The following HS3ST4 variants were observed in gnomAD, a reference collection of about 807,000 sequenced individuals.
HS3ST4 encodes heparan sulfate-glucosamine 3-sulfotransferase 4, also known as heparan sulfate glucosamine 3-O-sulfotransferase 4.
A neutral mutation model predicts 29.2 loss-of-function variants in HS3ST4; 17 were observed. That is an observed-to-expected ratio of 0.58 (90% CI 0.40 to 0.87). The LOEUF is 0.87. HS3ST4 is among the 40% of genes least tolerant of loss of function. HS3ST4 has a pLI of 0.00. For synonymous variants in HS3ST4, 314 were observed against 285.7 expected, an observed-to-expected ratio of 1.10 and a Z score of -1.00; for missense variants, 627 against 634.5, an observed-to-expected ratio of 0.99 and a Z score of 0.13.
chr16:26,054,395 G>A (rs1162022758), intron 1 of HS3ST4, among the ~76,000 whole-genome samples: 1 of 151,962 alleles, frequency 6.6e-6, no homozygotes, highest in Admixed American at 6.6e-5. Flanking sequence ...TCCTCCATTC[G>A]AATTAACTTC....
chr16:25,949,478 C>G (rs1415345151), intron 1 of HS3ST4, among the ~76,000 whole-genome samples: 1 of 152,102 alleles, frequency 6.6e-6, no homozygotes, highest in Non-Finnish European at 1.5e-5. Flanking sequence ...TGGGACCTTT[C>G]TTTTATGGCA....
At chr16:25,812,376 C>T (rs58915036) in intron 1 of HS3ST4, among the ~76,000 whole-genome samples, 2,365 of 152,298 alleles carry the variant, frequency 0.016, 69 homozygotes, top group African/African-American at 0.054. Flanking sequence ...AAACACTGTA[C>T]GTGTCCTTCC....
At chr16:25,739,356 C>T (rs1483373423) in intron 1 of HS3ST4, among the ~76,000 whole-genome samples, 1 of 152,000 alleles carries the variant, frequency 6.6e-6, no homozygotes, top group Non-Finnish European at 1.5e-5. Context: ...AACACACAAA[C>T]AAAAGCAAAC....
intron 1 of HS3ST4, among the ~76,000 whole-genome samples, chr16:26,038,236 C>A (rs532934771): frequency 6.6e-6 from 1 of 152,218 alleles, no homozygotes; most frequent in Non-Finnish European, 1.5e-5. Flanking sequence ...GTTCTCAGGT[C>A]CTTCAACTCT....
chr16:25,755,900 G>A (rs1483145672), intron 1 of HS3ST4, among the ~76,000 whole-genome samples: 1 of 151,940 alleles, frequency 6.6e-6, no homozygotes, highest in Non-Finnish European at 1.5e-5. Flanking sequence ...TTGTCTTATA[G>A]TAAAGAGGAA....
intron 1 of HS3ST4, among the ~76,000 whole-genome samples, chr16:26,111,021 A>G (rs1382878319): frequency 6.6e-6 from 1 of 151,534 alleles, no homozygotes; most frequent in Non-Finnish European, 1.5e-5. Flanking sequence ...CGTTTGGGGT[A>G]CAATTTATTT....
chr16:25,884,916 T>G (rs1967934406), intron 1 of HS3ST4, among the ~76,000 whole-genome samples: 1 of 152,162 alleles, frequency 6.6e-6, no homozygotes, highest in South Asian at 2.1e-4. Flanking sequence ...TGTTTACCCC[T>G]TAGTGTCCAG....
At chr16:25,784,645 G>A (rs1000205489) in intron 1 of HS3ST4, among the ~76,000 whole-genome samples, 2 of 152,180 alleles carry the variant, frequency 1.3e-5, no homozygotes, top group Non-Finnish European at 2.9e-5. Context: ...GCTAAACGAG[G>A]TGAGAAAGCT....
chr16:25,937,444 G>T (rs182471813), intron 1 of HS3ST4, among the ~76,000 whole-genome samples: 1 of 152,124 alleles, frequency 6.6e-6, no homozygotes, highest in South Asian at 2.1e-4. Context: ...GGACTCCTAC[G>T]TGATCTTATT....
intron 1 of HS3ST4, among the ~76,000 whole-genome samples, chr16:25,812,822 C>T (rs1365853008): frequency 3.3e-5 from 5 of 152,086 alleles, no homozygotes; most frequent in Non-Finnish European, 7.4e-5. Context: ...CCACCTCTGT[C>T]TCTCGAGTAG....
intron 1 of HS3ST4, among the ~76,000 whole-genome samples, chr16:25,862,142 A>G (rs552943120): frequency 3.2e-4 from 48 of 151,536 alleles, no homozygotes; most frequent in African/African-American, 1.1e-3. Flanking sequence ...TGATTCTCCT[A>G]TGAGAATTTT....
chr16:25,730,446 C>G (rs967123381), intron 1 of HS3ST4, among the ~76,000 whole-genome samples: 1 of 144,254 alleles, frequency 6.9e-6, no homozygotes. Flanking sequence ...TCCTCCCTCT[C>G]TCCCTTCTTC....
Position 26,134,347 on chromosome 16 carries a change from CTTTTCTTTTCTTTTCTT to C in HS3ST4, c.735-1260_735-1244del, listed in dbSNP as rs1485882105. Among the ~76,000 whole-genome samples the C allele has an allele frequency of 3.9e-4, 43 of 111,378 alleles. No individual in the cohort carries two copies. The East Asian group carries it at 6.5e-3, about 17-fold the overall frequency. 73.1% of individuals were successfully genotyped at this position (111,378 alleles called of 152,430 possible). ...ACTGAATTTTCTTTTCTTTTCTTTT[CTTTTCTTTTCTTTTCTT>C]TTTTTTTTTTTTGATTGAGATGGAG... On this transcript the variant is annotated intron_variant, in intron 1 of 1. Transcript: ENST00000331351.
At chr16:26,124,527 A>C (rs375860999) in intron 1 of HS3ST4, among the ~76,000 whole-genome samples, 3 of 152,344 alleles carry the variant, frequency 2.0e-5, no homozygotes, top group African/African-American at 7.2e-5. Context: ...CATACGTAGT[A>C]CAAGAGAACA....
intron 1 of HS3ST4, among the ~76,000 whole-genome samples, chr16:25,695,609 T>C (rs988989847): frequency 2.0e-5 from 3 of 152,196 alleles, no homozygotes; most frequent in African/African-American, 7.2e-5. Context: ...GTGGCATTGA[T>C]TTGGTATCAG....
intron 1 of HS3ST4, among the ~76,000 whole-genome samples, chr16:25,699,082 G>C (rs2141579702): frequency 6.6e-6 from 1 of 152,298 alleles, no homozygotes; most frequent in Non-Finnish European, 1.5e-5. Context: ...AAAGCCCAGT[G>C]GGGGCCAACA....
intron 1 of HS3ST4, among the ~76,000 whole-genome samples, chr16:25,781,592 A>G (rs371276874): frequency 6.6e-6 from 1 of 152,080 alleles, no homozygotes; most frequent in South Asian, 2.1e-4. Flanking sequence ...TCCTTATGTG[A>G]TAGGAGCTGC....
chr16:26,103,498 C>T (rs1251221621), intron 1 of HS3ST4, among the ~76,000 whole-genome samples: 4 of 152,164 alleles, frequency 2.6e-5, no homozygotes, highest in Non-Finnish European at 4.4e-5. Context: ...ACTGGCCTCA[C>T]AAGAGCGTTA....
intron 1 of HS3ST4, among the ~76,000 whole-genome samples, chr16:25,871,564 G>A (rs1275242476): frequency 6.6e-6 from 1 of 152,054 alleles, no homozygotes; most frequent in Non-Finnish European, 1.5e-5. Context: ...GTACGTATGT[G>A]TATTACCTTA....
Sources: gnomAD v4.1 joint callset for allele counts (sites outside exome capture counted in the v4.1 genomes callset) on GRCh38, gnomAD v4.1.1 for gene constraint, MANE v1.5 for transcripts, NCBI Gene and HGNC (gene_info 2026-07-23, HGNC 2026-07-21) for gene names.